BANP: variants seen among roughly 807,000 people sequenced by gnomAD.
The protein encoded by BANP is BTG3 associated nuclear protein, also known as protein BANP.
Under a neutral mutation model 68.1 loss-of-function variants are expected in BANP, and 11 were observed. That is an observed-to-expected ratio of 0.16 (90% CI 0.10 to 0.27). BANP has a LOEUF of 0.27. BANP is among the 10% of genes least tolerant of loss of function. The probability of loss-of-function intolerance (pLI) is 1.00; values close to 1 mark genes in which losing one functional copy is unlikely to be tolerated. For synonymous variants in BANP, 329 were observed against 303.2 expected, an observed-to-expected ratio of 1.09 and a Z score of -0.88; for missense variants, 504 against 722.7, an observed-to-expected ratio of 0.70 and a Z score of 3.47.
At chr16:88,066,660 A>C (rs1457761922) in intron 12 of BANP, among the ~76,000 whole-genome samples, 2 of 152,238 alleles carry the variant, frequency 1.3e-5, no homozygotes, top group African/African-American at 4.8e-5. Flanking sequence ...CTAACCCATA[A>C]ATCAAGGAGG....
intron 11 of BANP, among the ~76,000 whole-genome samples, chr16:88,055,292 C>A (rs1295445097): frequency 2.0e-5 from 3 of 151,938 alleles, no homozygotes; most frequent in Admixed American, 2.0e-4. Flanking sequence ...CCCCTCCGCA[C>A]ACACACCCCT....
At chr16:87,983,863 C>A (rs559737471) in intron 3 of BANP, among the ~76,000 whole-genome samples, 197 bp from the exon 4 acceptor site, 1 of 152,158 alleles carries the variant, frequency 6.6e-6, no homozygotes, top group Non-Finnish European at 1.5e-5. Context: ...TGAAACAGGA[C>A]GTGTGACTCG....
intron 4 of BANP, among the ~76,000 whole-genome samples, chr16:87,987,610 T>C (rs1567672271): frequency 6.8e-6 from 1 of 146,840 alleles, no homozygotes; most frequent in East Asian, 2.0e-4. Context: ...GCCTGTAATC[T>C]CTTAGGAGGC....
At chr16:88,059,975 G>A (rs1316646230) in intron 11 of BANP, among the ~76,000 whole-genome samples, 1 of 152,264 alleles carries the variant, frequency 6.6e-6, no homozygotes, top group Non-Finnish European at 1.5e-5. Flanking sequence ...GTTGGCACAG[G>A]TGGGGTTCTC....
chr16:87,967,170 C>T (rs1485943630), intron 1 of BANP, among the ~76,000 whole-genome samples: 7 of 151,862 alleles, frequency 4.6e-5, no homozygotes, highest in East Asian at 3.9e-4. Flanking sequence ...GTACTGGCAC[C>T]GGCAGCTAGG....
At chr16:88,049,872 A>G (rs1237893360) in intron 11 of BANP, among the ~76,000 whole-genome samples, 1 of 152,208 alleles carries the variant, frequency 6.6e-6, no homozygotes. Flanking sequence ...GAAGGAAAAC[A>G]TGTTTCCTCC....
At chr16:88,039,855 A>C (rs1226852682) in intron 11 of BANP, among the ~76,000 whole-genome samples, 1 of 152,126 alleles carries the variant, frequency 6.6e-6, no homozygotes, top group South Asian at 2.1e-4. Flanking sequence ...CACTGCAAGC[A>C]GGGTCGCAAC....
intron 2 of BANP, among the ~76,000 whole-genome samples, chr16:87,980,161 A>G (rs1657825364): frequency 1.3e-5 from 2 of 152,364 alleles, no homozygotes; most frequent in Admixed American, 1.3e-4. Flanking sequence ...ATGAGAAGAA[A>G]AAACACTCAT....
intron 11 of BANP, among the ~76,000 whole-genome samples, chr16:88,060,291 C>T (rs2086368944): frequency 6.6e-6 from 1 of 152,246 alleles, no homozygotes; most frequent in Non-Finnish European, 1.5e-5. Flanking sequence ...CTCTGGGTCT[C>T]CCCAGCCTGG....
chr16:88,076,227 A>G (rs1033422945), intron 13 of BANP, among the ~76,000 whole-genome samples: 1 of 152,230 alleles, frequency 6.6e-6, no homozygotes, highest in African/African-American at 2.4e-5. Context: ...CTTCAGGGAA[A>G]TATCTTCGGG....
chr16:88,037,779 A>G (rs961832042), intron 10 of BANP, 194 bp from the exon 11 acceptor site: 2 of 611,104 alleles, frequency 3.3e-6, no homozygotes, highest in African/African-American at 3.7e-5. Context: ...CATCTTTAAA[A>G]TAATAAATAG....
In BANP at chr16:87,984,193, C is replaced by T. The variant is rs1206983287; in HGVS notation, c.296C>T (p.Pro99Leu). Reference protein sequence around the residue: ...LDLVTNKQHSPIQVPMVAGSP... With the variant: ...LDLVTNKQHSLIQVPMVAGSP... The stretch of plus-strand genomic sequence containing the variant: ...CTGGTCACGAACAAGCAGCACAGCC[C>T]CATCCAGGTCCCCATGGTGGCCGGC... The change falls in exon 4 of 14, where the codon CCC becomes CTC. Residue 99 changes from proline (P) to leucine (L), a missense_variant. Physicochemically the swap from Pro to Leu is moderately conservative, Grantham distance 98 (BLOSUM62 -3). Coordinates refer to ENST00000682872, the MANE Select transcript of BANP (RefSeq NM_001386991.1). The T allele has an allele frequency of 1.2e-6, 2 of 1,607,240 alleles. No homozygotes were observed. The highest frequency in any genetic ancestry group is 1.7e-6 in the Non-Finnish European group (2 of 1,176,142).
chr16:87,995,958 C>G (rs755724827), intron 4 of BANP, among the ~76,000 whole-genome samples: 3 of 152,218 alleles, frequency 2.0e-5, no homozygotes, highest in African/African-American at 7.2e-5. Context: ...ACGTGTTAGA[C>G]GCACATTTAG....
rs978100386 is a variant in BANP, at chr16:88,036,992, G to A, written c.1273-981G>A. ...CAGGAGCTGCCTTTGAGGGGCAGGG[G>A]AAGGTTTGCTTCTCAAGGCACAGAC... On this transcript the variant is annotated intron_variant, in intron 10 of 13. Transcript: ENST00000682872. The surrounding 1 kb of genome is among the most constrained non-coding windows in gnomAD (Gnocchi z 4.2). Among the ~76,000 whole-genome samples, 2 of 152,174 alleles carry A rather than the reference G, an allele frequency of 1.3e-5. No individual in the cohort carries two copies. Among genetic ancestry groups the A allele is most frequent in the Admixed American group, 6.5e-5 (1 of 15,280 alleles).
At position 88,057,981 on chromosome 16, in the gene BANP, C is replaced by A. The variant is rs11646639; in HGVS notation, c.1312-7286C>A. 0.48 allele frequency among the ~76,000 whole-genome samples: 73,449 copies of A among 152,044 alleles called. 20,360 individuals are homozygous for A. Among genetic ancestry groups the A allele is most frequent in the Non-Finnish European group, 0.65 (44,078 of 67,956 alleles). On this transcript the variant is annotated intron_variant, in intron 11 of 13. Coordinates refer to ENST00000682872, the MANE Select transcript of BANP (RefSeq NM_001386991.1). The surrounding 1 kb of genome is among the most constrained non-coding windows in gnomAD (Gnocchi z 4.6). Reference sequence around the variant, plus strand: ...CCTGATTGAAGTCACACTCCTGCCCCCTTAAACTATGAAACGGCGGAGTTA... The same window carrying A: ...CCTGATTGAAGTCACACTCCTGCCCACTTAAACTATGAAACGGCGGAGTTA...
intron 11 of BANP, among the ~76,000 whole-genome samples, chr16:88,047,501 C>T (rs372538824): frequency 1.2e-3 from 183 of 152,274 alleles, no homozygotes; most frequent in African/African-American, 4.2e-3. Context: ...CATGTTTGTT[C>T]TTTCAGCCCT....
chr16:88,035,437 GC>G, intron 10 of BANP, 43 bp downstream of exon 10: 1 of 1,531,940 alleles, frequency 6.5e-7, no homozygotes, highest in Non-Finnish European at 8.9e-7. Flanking sequence ...CAGGCACCGT[GC>G]CCACATGCTC....
At chr16:88,061,906 G>T (rs927886443) in intron 11 of BANP, among the ~76,000 whole-genome samples, 1 of 151,958 alleles carries the variant, frequency 6.6e-6, no homozygotes. Flanking sequence ...TGACCAGCCC[G>T]CCTCGGCCTC....
intron 6 of BANP, among the ~76,000 whole-genome samples, chr16:88,013,409 C>T (rs1474955581): frequency 1.3e-5 from 2 of 151,730 alleles, no homozygotes; most frequent in African/African-American, 4.8e-5. Context: ...AGACCGCTGC[C>T]CGCACCCATC....
Sources: allele counts gnomAD v4.1 joint callset (sites outside exome capture counted in the v4.1 genomes callset), GRCh38; gene constraint gnomAD v4.1.1; non-coding constraint Gnocchi (gnomAD v3.1); transcripts MANE v1.5; gene names NCBI Gene and HGNC (gene_info 2026-07-23, HGNC 2026-07-21).